WDR19: variants seen among roughly 807,000 people sequenced by gnomAD.
WDR19 encodes the protein WD repeat domain 19.
A neutral mutation model predicts 180.0 loss-of-function variants in WDR19; 121 were observed. The observed-to-expected ratio is 0.67, with a 90% CI of 0.58 to 0.78. The LOEUF (loss-of-function observed/expected upper bound fraction) is 0.78, where lower values mean the gene tolerates loss of function less well. Among genes scored for constraint, WDR19 ranks in the 30% least tolerant of loss-of-function variants. The probability of loss-of-function intolerance (pLI) is 0.00; values close to 1 mark genes in which losing one functional copy is unlikely to be tolerated. For missense variants in WDR19, 1,450 were observed against 1,640.7 expected (o/e 0.88, Z 2.01); for synonymous variants, 497 against 540.7 (o/e 0.92, Z 1.12).
At position 39,245,438 on chromosome 4, in the gene WDR19, G is replaced by A. The variant is rs200339331; in HGVS notation, c.2715G>A (p.Lys905=). 1.8e-4 allele frequency: 288 copies of A among 1,613,434 alleles called. No individual in the cohort carries two copies. In the African/African-American group the frequency reaches 3.6e-3, roughly 20 times the overall value. Residue 905 remains lysine, a synonymous_variant, in exon 24 of 37, where the codon AAG becomes AAA. Coordinates refer to ENST00000399820, the MANE Select transcript of WDR19 (RefSeq NM_025132.4). ...TCCATTTGCAGTATGCCAAAGCCAA[G>A]GAAGCAGATGGAAGGTTTGTACACT... ...PKIHLQYAKA[K]EADGRYKEAV...
chr4:39,278,313 C>A, intron 35 of WDR19, 106 bp downstream of exon 35: 1 of 1,125,968 alleles, frequency 8.9e-7, no homozygotes. Flanking sequence ...TCCTAAGGAT[C>A]TCTAAAGACT....
At chr4:39,256,612 T>C (rs1365849089) in intron 27 of WDR19, among the ~76,000 whole-genome samples, 1 of 152,178 alleles carries the variant, frequency 6.6e-6, no homozygotes, top group Non-Finnish European at 1.5e-5. Context: ...AAAAAAAACA[T>C]GTCTGTGTGT....
chr4:39,218,199 A>G (rs1729279852), intron 14 of WDR19, 94 bp downstream of exon 14: 15 of 1,406,368 alleles, frequency 1.1e-5, no homozygotes, highest in Non-Finnish European at 1.5e-5. Flanking sequence ...TCTTTTTTCT[A>G]TATTGAATCC....
In WDR19 at chr4:39,228,343, A is replaced by G. The variant is rs1730492403; in HGVS notation, c.1763A>G (p.Lys588Arg). ...AAGGTGTACACTTATGTCTTTCACA[A>G]GGACACTATACAAGGTACTAAACCC... Reference protein sequence around the residue: ...DDKVYTYVFHKDTIQGAKVIL... With the variant: ...DDKVYTYVFHRDTIQGAKVIL... Residue 588 changes from lysine to arginine, a missense_variant, in exon 16 of 37, where the codon AAG (lysine) becomes AGG (arginine). Coordinates refer to ENST00000399820, the MANE Select transcript of WDR19 (RefSeq NM_025132.4). 1.2e-6 allele frequency: 2 copies of G among 1,610,626 alleles called. No homozygotes were observed. Among genetic ancestry groups the G allele is most frequent in the South Asian group, 2.2e-5 (2 of 90,908 alleles).
chr4:39,282,602 T>G (rs1307871820), intron 36 of WDR19, among the ~76,000 whole-genome samples: 1 of 152,172 alleles, frequency 6.6e-6, no homozygotes, highest in Non-Finnish European at 1.5e-5. Flanking sequence ...TTCACCATGT[T>G]GGCCAGGCTG....
At chr4:39,239,670 T>TA (rs200662733) in intron 20 of WDR19, among the ~76,000 whole-genome samples, 38 of 151,582 alleles carry the variant, frequency 2.5e-4, no homozygotes, top group African/African-American at 9.0e-4. Flanking sequence ...CCCCCGAATT[T>TA]AAAAAAAAAT....
At chr4:39,230,063 T>G (rs973945239) in intron 17 of WDR19, among the ~76,000 whole-genome samples, 3 of 152,196 alleles carry the variant, frequency 2.0e-5, no homozygotes, top group African/African-American at 7.2e-5. Context: ...CACACACTTT[T>G]GAAGATGTGA....
intron 8 of WDR19, 132 bp downstream of exon 8, chr4:39,205,398 C>A: frequency 8.5e-7 from 1 of 1,181,614 alleles, no homozygotes; most frequent in Non-Finnish European, 1.2e-6. Context: ...GATTCATGGT[C>A]TGTGATTTAG....
chr4:39,278,436 T>TA lies in WDR19; in HGVS notation c.3918-101dup, dbSNP rs1265997411. The TA allele has an allele frequency of 5.6e-6, 5 of 895,340 alleles. No homozygotes were observed. In the African/African-American group the frequency reaches 8.5e-5, roughly 15 times the overall value. The allele number at this position is 895,340 out of a possible 1,614,324, so 55.5% of individuals were successfully genotyped here. On this transcript the variant is annotated intron_variant, in intron 35 of 36. Transcript: ENST00000399820. Reference sequence around the variant, plus strand: ...CTCAAATTGCATGGTGGACATGTGTTAAGAGGTGTAGACAGAAAGTTGTTG... The same window carrying TA: ...CTCAAATTGCATGGTGGACATGTGTTAAAGAGGTGTAGACAGAAAGTTGTTG...
chr4:39,274,880 T>C lies in WDR19; in HGVS notation c.3638T>C (p.Phe1213Ser). 1.2e-6 allele frequency: 2 copies of C among 1,614,052 alleles called. No homozygotes were observed. Among genetic ancestry groups the C allele is most frequent in the Non-Finnish European group, 1.7e-6 (2 of 1,179,886 alleles). Residue 1213 changes from phenylalanine (F) to serine (S), a missense_variant, in exon 33 of 37, where the codon TTC (phenylalanine) becomes TCC (serine). Coordinates refer to ENST00000399820, the MANE Select transcript of WDR19 (RefSeq NM_025132.4). ...GGCCTGAAGAACTCTGCTTTCAGCT[T>C]CGCAGCTATGTTGATGAGGCCTGAA... ...RAGLKNSAFS[F>S]AAMLMRPEYR... is the part of the protein sequence containing the mutation.
intron 6 of WDR19, among the ~76,000 whole-genome samples, chr4:39,201,106 G>A (rs2109288264): frequency 6.6e-6 from 1 of 152,220 alleles, no homozygotes; most frequent in East Asian, 1.9e-4. Context: ...TTTTTCTCAT[G>A]TAACAGAGAG....
intron 19 of WDR19, 52 bp from the exon 20 acceptor site, chr4:39,234,714 T>C: frequency 8.1e-7 from 1 of 1,234,666 alleles, no homozygotes; most frequent in African/African-American, 1.5e-5. Context: ...TTGTGGTAAC[T>C]TTGCAAAATA....
At chr4:39,248,811 A>G (rs1003428936) in intron 24 of WDR19, among the ~76,000 whole-genome samples, 5 of 152,270 alleles carry the variant, frequency 3.3e-5, no homozygotes, top group Non-Finnish European at 7.3e-5. Flanking sequence ...TAACTATCCT[A>G]AATATATATG....
At chr4:39,217,885 G>T in intron 13 of WDR19, 98 bp from the exon 14 acceptor site, 1 of 1,464,342 alleles carries the variant, frequency 6.8e-7, no homozygotes, top group Non-Finnish European at 9.2e-7. Flanking sequence ...TTGGGAGCCT[G>T]AATGTTTAGG....
At chr4:39,251,733 T>C (rs959970357) in intron 24 of WDR19, among the ~76,000 whole-genome samples, 5 of 152,112 alleles carry the variant, frequency 3.3e-5, no homozygotes, top group African/African-American at 1.2e-4. Flanking sequence ...AAGACATTTA[T>C]GCAGCCAAAA....
At chr4:39,186,244 C>T (rs1057096394) in intron 2 of WDR19, among the ~76,000 whole-genome samples, 3 of 152,088 alleles carry the variant, frequency 2.0e-5, no homozygotes, top group East Asian at 1.9e-4. Context: ...CTTTGGGAGG[C>T]CAAGGCAGGC....
chr4:39,212,443 A>T (rs1027362907), intron 9 of WDR19, among the ~76,000 whole-genome samples: 1 of 152,232 alleles, frequency 6.6e-6, no homozygotes, highest in African/African-American at 2.4e-5. Flanking sequence ...GGAAAAATTG[A>T]TAAAGTAGAT....
At chr4:39,216,343 G>A (rs1192275734) in intron 12 of WDR19, 133 bp downstream of exon 12, 2 of 761,016 alleles carry the variant, frequency 2.6e-6, no homozygotes, top group Non-Finnish European at 4.1e-6. Flanking sequence ...TAGCTTAAAT[G>A]GTTTTGTAAG....
intron 15 of WDR19, among the ~76,000 whole-genome samples, chr4:39,225,766 G>T (rs371426627): frequency 6.6e-6 from 1 of 151,846 alleles, no homozygotes; most frequent in East Asian, 1.9e-4. Flanking sequence ...TTGATACAAA[G>T]ACTTACTTCC....
Sources: allele counts gnomAD v4.1 joint callset (sites outside exome capture counted in the v4.1 genomes callset), GRCh38; gene constraint gnomAD v4.1.1; transcripts MANE v1.5; gene names NCBI Gene and HGNC (gene_info 2026-07-23, HGNC 2026-07-21).